SIK3: variants seen among roughly 807,000 people sequenced by gnomAD.
The protein encoded by SIK3 is SIK family kinase 3.
A neutral mutation model predicts 144.2 loss-of-function variants in SIK3; 28 were observed. The ratio of observed to expected loss-of-function variants is 0.19; its 90% CI spans 0.14 to 0.27. The LOEUF (loss-of-function observed/expected upper bound fraction) is 0.27. Among genes scored for constraint, SIK3 ranks in the 10% least tolerant of loss-of-function variants. The pLI is 1.00. For synonymous variants in SIK3, 686 were observed against 676.3 expected (o/e 1.01, Z -0.22); for missense variants, 1,319 against 1,776.0 (o/e 0.74, Z 4.62).
chr11:117,063,825 C>T (rs1953904267), intron 1 of SIK3, among the ~76,000 whole-genome samples: 1 of 152,044 alleles, frequency 6.6e-6, no homozygotes, highest in African/African-American at 2.4e-5. Flanking sequence ...ACTTCAGCTT[C>T]CCAAAGCTAG....
At chr11:117,013,567 T>C (rs1047130126) in intron 1 of SIK3, among the ~76,000 whole-genome samples, 4 of 152,156 alleles carry the variant, frequency 2.6e-5, no homozygotes, top group Admixed American at 6.5e-5. Flanking sequence ...AAACTTTTAT[T>C]GTAAATCAAA....
At chr11:117,096,443 T>C (rs749162047) in intron 1 of SIK3, among the ~76,000 whole-genome samples, 2 of 152,140 alleles carry the variant, frequency 1.3e-5, no homozygotes, top group African/African-American at 2.4e-5. Flanking sequence ...TGTTTGTAAA[T>C]GTAAGTTTGC....
intron 21 of SIK3, among the ~76,000 whole-genome samples, chr11:116,854,787 G>A (rs1591374862): frequency 6.6e-6 from 1 of 151,974 alleles, no homozygotes; most frequent in Admixed American, 6.6e-5. Context: ...GTAAGCTCTG[G>A]AGTTTTTAAA....
chr11:117,088,397 T>G (rs1032097239), intron 1 of SIK3, among the ~76,000 whole-genome samples: 1 of 152,208 alleles, frequency 6.6e-6, no homozygotes, highest in Admixed American at 6.5e-5. Context: ...CGGAGATTTG[T>G]GAGAAAAAGG....
At chr11:117,069,506 C>T (rs570521599) in intron 1 of SIK3, among the ~76,000 whole-genome samples, 2 of 152,104 alleles carry the variant, frequency 1.3e-5, no homozygotes, top group Non-Finnish European at 2.9e-5. Flanking sequence ...TTCAAACTGC[C>T]CCAATTATCA....
chr11:117,064,378 C>G (rs1191298150), intron 1 of SIK3, among the ~76,000 whole-genome samples: 1 of 152,180 alleles, frequency 6.6e-6, no homozygotes, highest in African/African-American at 2.4e-5. Context: ...TTGCCTCTCA[C>G]TCTTAACTCC....
chr11:116,966,709 C>T (rs1271307025), intron 1 of SIK3, among the ~76,000 whole-genome samples: 2 of 151,872 alleles, frequency 1.3e-5, no homozygotes, highest in African/African-American at 4.8e-5. Flanking sequence ...AGAAAAATGT[C>T]AAAGTTATGG....
chr11:116,909,709 C>G (rs1419316137), intron 4 of SIK3, among the ~76,000 whole-genome samples: 1 of 152,120 alleles, frequency 6.6e-6, no homozygotes, highest in African/African-American at 2.4e-5. Flanking sequence ...TAGGGCCTAG[C>G]ACAGTGCTGA....
rs373295296 is a variant in SIK3, at chr11:116,849,295, C to A, written c.3656-12G>T. On this transcript the variant is annotated splice_polypyrimidine_tract_variant and intron_variant, in intron 21 of 24. Coordinates refer to ENST00000445177, the MANE Select transcript of SIK3 (RefSeq NM_001366686.3). This position sits in a 1 kb window ranked among gnomAD's most constrained non-coding sequence, Gnocchi z 4.2. ...CCCTATGACAGGCTCTGAGGAGACA[C>A]AGCAGAATAGAGTCAGTGGGGCGGA... is the stretch of plus-strand genomic sequence containing the variant. 1 of 1,613,910 alleles carries A rather than the reference C, an allele frequency of 6.2e-7. No individual in the cohort carries two copies. Among genetic ancestry groups the A allele is most frequent in the Non-Finnish European group, 8.5e-7 (1 of 1,179,928 alleles).
At chr11:117,075,035 AAAGT>A (rs1057242701) in intron 1 of SIK3, among the ~76,000 whole-genome samples, 4 of 152,166 alleles carry the variant, frequency 2.6e-5, no homozygotes, top group South Asian at 4.1e-4. Flanking sequence ...GAGAGTGAAA[AAAGT>A]AAGATGCAGA....
chr11:116,916,665 C>A (rs984814208), intron 4 of SIK3, among the ~76,000 whole-genome samples: 5 of 151,882 alleles, frequency 3.3e-5, no homozygotes, highest in African/African-American at 1.2e-4. Flanking sequence ...TGCCTGCCAC[C>A]ACGCCCGGCT....
At chr11:117,095,052 C>T (rs1343182655) in intron 1 of SIK3, among the ~76,000 whole-genome samples, 22 of 152,100 alleles carry the variant, frequency 1.4e-4, no homozygotes, top group Non-Finnish European at 7.4e-5. Flanking sequence ...ATCCCAGGAT[C>T]CCACTCTAGA....
chr11:116,953,470 A>G (rs1477023523), intron 3 of SIK3, among the ~76,000 whole-genome samples: 1 of 152,256 alleles, frequency 6.6e-6, no homozygotes, highest in African/African-American at 2.4e-5. Context: ...CAGATTTGTC[A>G]GTAACAAAGT....
chr11:117,019,317 T>C (rs1422604354), intron 1 of SIK3, among the ~76,000 whole-genome samples: 3 of 152,006 alleles, frequency 2.0e-5, no homozygotes, highest in South Asian at 2.1e-4. Flanking sequence ...CCGCACACGG[T>C]CTTTATTGTA....
At position 116,876,981 on chromosome 11, in the gene SIK3, C is replaced by A. The variant is rs759442162; in HGVS notation, c.927G>T (p.Glu309Asp). ...TCATCCACTTGTGCTTGCAGATCTG[C>A]TCCATGGAGAGGCGCTTATTGGGAT... ...VLDPNKRLSMEQICKHKWMKL... is the reference protein window; with the variant it reads ...VLDPNKRLSMDQICKHKWMKL... The change falls in exon 7 of 25, where the codon GAG (glutamate) becomes GAT (aspartate). Residue 309 changes from glutamate to aspartate, a missense_variant. Glu to Asp is a conservative substitution (Grantham distance 45, BLOSUM62 2). Around this residue, in one of 8 missense-constraint regions of SIK3, gnomAD observed 34 missense variants for 56.1 expected, o/e 0.61. Coordinates refer to ENST00000445177, the MANE Select transcript of SIK3 (RefSeq NM_001366686.3). 2.5e-6 allele frequency: 4 copies of A among 1,614,006 alleles called. No homozygotes were observed. The highest frequency in any genetic ancestry group is 3.4e-6 in the Non-Finnish European group (4 of 1,180,034).
At chr11:116,947,526 T>A (rs576204974) in intron 3 of SIK3, among the ~76,000 whole-genome samples, 5 of 92,590 alleles carry the variant, frequency 5.4e-5, no homozygotes, top group Non-Finnish European at 1.1e-4. Flanking sequence ...GAAATATATA[T>A]ATATATATGT....
chr11:116,946,667 G>C (rs1293173817), intron 3 of SIK3, among the ~76,000 whole-genome samples: 1 of 152,174 alleles, frequency 6.6e-6, no homozygotes, highest in Non-Finnish European at 1.5e-5. Flanking sequence ...ATGAAGAAAT[G>C]TGAGATATCC....
chr11:117,001,927 C>T (rs1950866402), intron 1 of SIK3, among the ~76,000 whole-genome samples: 1 of 152,122 alleles, frequency 6.6e-6, no homozygotes. Context: ...TCAGAAGTTC[C>T]CCATTATCTG....
At chr11:117,091,158 A>G (rs1170997302) in intron 1 of SIK3, among the ~76,000 whole-genome samples, 2 of 151,790 alleles carry the variant, frequency 1.3e-5, no homozygotes, top group African/African-American at 2.4e-5. Context: ...TAATTGGTCT[A>G]AATGACTTTA....
Sources: allele counts gnomAD v4.1 joint callset (sites outside exome capture counted in the v4.1 genomes callset), GRCh38; gene constraint gnomAD v4.1.1; regional missense constraint gnomAD v4.1.1; non-coding constraint Gnocchi (gnomAD v3.1); transcripts MANE v1.5; gene names NCBI Gene and HGNC (gene_info 2026-07-23, HGNC 2026-07-21).